GPR21: variants seen among roughly 807,000 people sequenced by gnomAD.
GPR21 encodes the protein probable G protein-coupled receptor 21.
Under a neutral mutation model 21.5 loss-of-function variants are expected in GPR21, and 9 were observed. The ratio of observed to expected loss-of-function variants is 0.42; its 90% confidence interval spans 0.25 to 0.73. GPR21 has a LOEUF of 0.73. GPR21 is among the 30% of genes least tolerant of loss of function. The probability of loss-of-function intolerance (pLI) is 0.27; values close to 1 mark genes in which losing one functional copy is unlikely to be tolerated. For synonymous variants in GPR21, 169 were observed against 159.3 expected, an observed-to-expected ratio of 1.06 and a Z score of -0.46; for missense variants, 416 against 428.9, an observed-to-expected ratio of 0.97 and a Z score of 0.27.
At chr9:123,038,895 A>T (rs993645538), downstream of GPR21, among the ~76,000 whole-genome samples, 3 of 152,198 alleles carry the variant, frequency 2.0e-5, no homozygotes, top group African/African-American at 7.2e-5. Flanking sequence ...AACTGAGAAT[A>T]AAAAAATGTA....
rs1247937187 is a variant in GPR21 at position 123,034,891 on chromosome 9, G to C, written c.325G>C (p.Val109Leu). ...GACTTGCCAGATATTTGGTTTTGTA[G>C]TATCAGTTCTGAAGAGCGTCTCCAT... Reference protein sequence around the residue: ...SLTCQIFGFVVSVLKSVSMAS... With the variant: ...SLTCQIFGFVLSVLKSVSMAS... Residue 109 changes from valine (V) to leucine (L), a missense_variant, in exon 2 of 2, where the codon GTA becomes CTA. By Grantham distance (32) the Val-to-Leu change is conservative. Coordinates refer to ENST00000616002, the MANE Select transcript of GPR21 (RefSeq NM_005294.3). 3.7e-6 allele frequency: 6 copies of C among 1,613,646 alleles called. No individual in the cohort carries two copies. Among genetic ancestry groups the C allele is most frequent in the Non-Finnish European group, 5.1e-6 (6 of 1,179,726 alleles).
downstream of GPR21, among the ~76,000 whole-genome samples, chr9:123,035,985 C>A (rs2032636948): frequency 6.6e-6 from 1 of 152,170 alleles, no homozygotes; most frequent in African/African-American, 2.4e-5. Context: ...TTTAAAAAGT[C>A]ATCACTTTCT....
rs1387116972 is a variant in GPR21, at chr9:123,034,552, A to G, written c.-15A>G. 4 of 1,540,752 alleles carry G rather than the reference A, an allele frequency of 2.6e-6. No homozygotes were observed. The Admixed American group carries it at 5.4e-5, about 21-fold the overall frequency. On this transcript the variant is annotated 5_prime_UTR_variant, in exon 2 of 2. Transcript: ENST00000616002. ...AAGCGGCAGCATGAAGTGACAGATC[A>G]CTCCTGAGCTCAAGATGAACTCCAC...
chr9:123,039,720 G>T (rs1434347806), downstream of GPR21, among the ~76,000 whole-genome samples: 1 of 152,148 alleles, frequency 6.6e-6, no homozygotes, highest in Non-Finnish European at 1.5e-5. Context: ...TCACAGAATG[G>T]ATTAGGAAAT....
At chr9:123,039,058 A>G (rs1165232554), downstream of GPR21, among the ~76,000 whole-genome samples, 1 of 152,146 alleles carries the variant, frequency 6.6e-6, no homozygotes, top group Admixed American at 6.5e-5. Context: ...TACTTTGTAA[A>G]TTGTAAAGTG....
the GPR21 span, among the ~76,000 whole-genome samples, chr9:123,045,328 A>T: frequency 6.6e-6 from 1 of 152,242 alleles, no homozygotes; most frequent in Non-Finnish European, 1.5e-5. Context: ...AAGTTTAAGA[A>T]GGCCATTTGT....
In GPR21 at chr9:123,033,684, G is replaced by A. The variant is rs954441742; in HGVS notation, c.-455G>A. ...GTTGAAGCACATTCCTGCTTTGCAA[G>A]GCTTTCTGCTAAGGATGTATTGTGG... On this transcript the variant is annotated 5_prime_UTR_variant, in exon 1 of 2. Coordinates refer to ENST00000616002, the MANE Select transcript of GPR21 (RefSeq NM_005294.3). 6.6e-6 allele frequency: 1 copy of A among 152,088 alleles called. No homozygotes were observed. The highest frequency in any genetic ancestry group is 2.4e-5 in the African/African-American group (1 of 41,386). The allele number at this position is 152,088 out of a possible 1,614,324, so 9.4% of individuals were successfully genotyped here.
chr9:123,035,655 TG>T lies in GPR21; in HGVS notation c.*40del, dbSNP rs2032608873. 2 of 720,382 alleles carry T rather than the reference TG, an allele frequency of 2.8e-6. No homozygotes were observed. The highest frequency in any genetic ancestry group is 2.6e-5 in the Admixed American group (1 of 38,198). The allele number at this position is 720,382 out of a possible 1,614,324, so 44.6% of individuals were successfully genotyped here. ...CGGGGTTCCCGTGTGTGTGTGTGTG[TG>T]TGTGTGTGTGTGTGTGTGTGTGTGT... On this transcript the variant is annotated 3_prime_UTR_variant, in exon 2 of 2. Coordinates refer to ENST00000616002, the MANE Select transcript of GPR21 (RefSeq NM_005294.3).
At chr9:123,041,487 T>G in the GPR21 span, among the ~76,000 whole-genome samples, 1 of 152,226 alleles carries the variant, frequency 6.6e-6, no homozygotes, top group East Asian at 1.9e-4. Context: ...CTCTAAAGCT[T>G]GTGTTCTGTA....
the GPR21 span, among the ~76,000 whole-genome samples, chr9:123,042,467 C>T: frequency 6.6e-6 from 1 of 152,072 alleles, no homozygotes; most frequent in African/African-American, 2.4e-5. Context: ...CCAAAAAACC[C>T]AACTGTAACT....
the GPR21 span, among the ~76,000 whole-genome samples, chr9:123,043,489 A>G: frequency 2.4e-4 from 36 of 152,326 alleles, no homozygotes; most frequent in Non-Finnish European, 4.6e-4. Context: ...GGCAATTAAT[A>G]ACTTCAGAAA....
chr9:123,039,604 T>G (rs949295686), downstream of GPR21, among the ~76,000 whole-genome samples: 1 of 152,152 alleles, frequency 6.6e-6, no homozygotes, highest in Non-Finnish European at 1.5e-5. Context: ...ATCAAGAGAT[T>G]AATGTGGTAA....
At chr9:123,038,852 C>T (rs2032807312), downstream of GPR21, among the ~76,000 whole-genome samples, 1 of 151,780 alleles carries the variant, frequency 6.6e-6, no homozygotes. Context: ...ATTTGCATGA[C>T]AAAAGGGCAT....
In GPR21 at chr9:123,035,507, G is replaced by A; in HGVS notation, c.941G>A (p.Gly314Glu). The change falls in exon 2 of 2, where the codon GGA (glycine) becomes GAA (glutamate). Residue 314 changes from glycine to glutamate, a missense_variant. Gly to Glu is a moderately conservative substitution (Grantham distance 98, BLOSUM62 -2). Transcript: ENST00000616002. ...CTCTCCAACAGTGTATTCCAAAGAG[G>A]ACTAAAGCGCCTCTCAGGGGCTATG... ...YSLSNSVFQRGLKRLSGAMCT... is the reference protein window; with the variant it reads ...YSLSNSVFQRELKRLSGAMCT... 1 of 1,614,014 alleles carries A rather than the reference G, an allele frequency of 6.2e-7. No individual in the cohort carries two copies. Among genetic ancestry groups the A allele is most frequent in the Non-Finnish European group, 8.5e-7 (1 of 1,179,922 alleles).
Position 123,034,896 on chromosome 9 carries a change from A to C in GPR21, c.330A>C (p.Ser110=). The change falls in exon 2 of 2, where the codon TCA becomes TCC. Residue 110 remains serine, a synonymous_variant. Transcript: ENST00000616002. ...GCCAGATATTTGGTTTTGTAGTATC[A>C]GTTCTGAAGAGCGTCTCCATGGCTT... ...LTCQIFGFVV[S]VLKSVSMASL... is the part of the protein sequence containing the mutation. 6.2e-7 allele frequency: 1 copy of C among 1,613,450 alleles called. No individual in the cohort carries two copies.
Position 123,034,571 on chromosome 9 carries a change from ACT to A in GPR21, c.7_8del (p.Ser3HisfsTer5). The A allele has an allele frequency of 1.3e-6, 2 of 1,595,056 alleles. No homozygotes were observed. The highest frequency in any genetic ancestry group is 1.7e-6 in the Non-Finnish European group (2 of 1,169,890). On this transcript the variant is annotated frameshift_variant, in exon 2 of 2. Transcript: ENST00000616002. LOFTEE classifies it high-confidence loss of function. ...CAGATCACTCCTGAGCTCAAGATGA[ACT>A]CCACCTTGGATGGTAATCAGAGCAG... is the stretch of plus-strand genomic sequence containing the variant.
At chr9:123,044,625 A>ATGTG in the GPR21 span, among the ~76,000 whole-genome samples, 9 of 79,452 alleles carry the variant, frequency 1.1e-4, no homozygotes, top group African/African-American at 3.3e-4. Context: ...AAACACACGT[A>ATGTG]CGTGTGTGTG....
At chr9:123,047,212 A>G in the GPR21 span, among the ~76,000 whole-genome samples, 1 of 152,228 alleles carries the variant, frequency 6.6e-6, no homozygotes, top group Admixed American at 6.5e-5. Flanking sequence ...ACTAATCAAA[A>G]TGTTCTCTTG....
At chr9:123,043,791 G>A in the GPR21 span, among the ~76,000 whole-genome samples, 1 of 152,088 alleles carries the variant, frequency 6.6e-6, no homozygotes, top group Admixed American at 6.5e-5. Context: ...TTTAAAAAAA[G>A]GAGAGGTGAA....
Sources: allele counts gnomAD v4.1 joint callset (sites outside exome capture counted in the v4.1 genomes callset), GRCh38; gene constraint gnomAD v4.1.1; transcripts MANE v1.5; gene names NCBI Gene and HGNC (gene_info 2026-07-23, HGNC 2026-07-21).